SCFD2: variants seen among roughly 807,000 people sequenced by gnomAD.
The protein encoded by SCFD2 is sec1 family domain-containing protein 2.
In SCFD2, 54 loss-of-function variants were observed where a neutral mutation model predicts 58.9. The observed-to-expected ratio is 0.92, with a 90% confidence interval of 0.74 to 1.15. The LOEUF is 1.15. Among genes scored for constraint, SCFD2 ranks in the 50% most tolerant of loss-of-function variants. The probability of loss-of-function intolerance (pLI) is 0.00; values close to 1 mark genes in which losing one functional copy is unlikely to be tolerated. For synonymous variants in SCFD2, 321 were observed against 335.9 expected, an observed-to-expected ratio of 0.96 and a Z score of 0.49; for missense variants, 805 against 836.6, an observed-to-expected ratio of 0.96 and a Z score of 0.47.
chr4:53,240,848 G>A (rs1482594030), intron 4 of SCFD2, among the ~76,000 whole-genome samples: 1 of 152,214 alleles, frequency 6.6e-6, no homozygotes, highest in Admixed American at 6.5e-5. Context: ...AACAGTTTGA[G>A]ATGAAGAAAA....
chr4:52,951,394 T>C (rs1385856716), intron 5 of SCFD2, among the ~76,000 whole-genome samples: 1 of 152,150 alleles, frequency 6.6e-6, no homozygotes. Flanking sequence ...CATACTACAT[T>C]GTCTAAGAGC....
At chr4:52,888,430 G>C (rs1718798362) in intron 7 of SCFD2, among the ~76,000 whole-genome samples, 1 of 152,150 alleles carries the variant, frequency 6.6e-6, no homozygotes, top group Non-Finnish European at 1.5e-5. Context: ...CTGCACCTCT[G>C]TTTCCCCCGA....
At chr4:52,992,882 C>T (rs934523287) in intron 5 of SCFD2, among the ~76,000 whole-genome samples, 6 of 152,368 alleles carry the variant, frequency 3.9e-5, no homozygotes, top group African/African-American at 7.2e-5. Flanking sequence ...GCAGTCACCC[C>T]GTCTGGGAGG....
chr4:52,973,559 G>C (rs1263231562), intron 5 of SCFD2, among the ~76,000 whole-genome samples: 1 of 152,214 alleles, frequency 6.6e-6, no homozygotes, highest in East Asian at 1.9e-4. Context: ...TCCAGGACCA[G>C]AAGGATTCAC....
At chr4:53,290,377 T>G (rs1435652167) in intron 3 of SCFD2, among the ~76,000 whole-genome samples, 2 of 151,920 alleles carry the variant, frequency 1.3e-5, no homozygotes, top group East Asian at 3.9e-4. Context: ...TGAACAAACA[T>G]GGGTCAAGAA....
intron 4 of SCFD2, among the ~76,000 whole-genome samples, chr4:53,147,900 A>C (rs1726382426): frequency 6.6e-6 from 1 of 152,198 alleles, no homozygotes; most frequent in African/African-American, 2.4e-5. Flanking sequence ...GGTTGGGCAA[A>C]CTTGCTCTAG....
At chr4:53,292,855 ACT>A (rs1000342583) in intron 3 of SCFD2, among the ~76,000 whole-genome samples, 4 of 152,008 alleles carry the variant, frequency 2.6e-5, no homozygotes, top group Non-Finnish European at 4.4e-5. Context: ...AACATCATAC[ACT>A]GAGGCCTGTC....
At chr4:53,101,019 T>C (rs1724818341) in intron 5 of SCFD2, among the ~76,000 whole-genome samples, 1 of 152,128 alleles carries the variant, frequency 6.6e-6, no homozygotes, top group Non-Finnish European at 1.5e-5. Flanking sequence ...CAACTTCAAA[T>C]GCGTCGATGG....
At position 52,938,875 on chromosome 4, in the gene SCFD2, T is replaced by A. The variant is rs192240391; in HGVS notation, c.1562-18005A>T. On this transcript the variant is annotated intron_variant, in intron 5 of 8. Coordinates refer to ENST00000401642, the MANE Select transcript of SCFD2 (RefSeq NM_152540.4). ...GCAATATACCAGTTCTCCTCTTCCG[T>A]GTGTGGTAGGATTTTACTCTTCTCT... Among the ~76,000 whole-genome samples, 254 of 152,276 alleles carry A rather than the reference T, an allele frequency of 1.7e-3. 1 individual carries two copies. Among genetic ancestry groups the A allele is most frequent in the African/African-American group, 5.7e-3 (235 of 41,558 alleles).
At chr4:53,306,019 G>T (rs1732502374) in intron 3 of SCFD2, among the ~76,000 whole-genome samples, 2 of 152,156 alleles carry the variant, frequency 1.3e-5, no homozygotes, top group African/African-American at 4.8e-5. Context: ...TAGGTGCAAA[G>T]AATACTAAGA....
intron 8 of SCFD2, among the ~76,000 whole-genome samples, chr4:52,880,765 T>C (rs1283958841): frequency 6.6e-6 from 1 of 152,254 alleles, no homozygotes; most frequent in Non-Finnish European, 1.5e-5. Flanking sequence ...CTTCCCCTTT[T>C]TCCTGAGCTG....
At chr4:53,147,109 T>C (rs1370172494) in intron 4 of SCFD2, among the ~76,000 whole-genome samples, 1 of 152,218 alleles carries the variant, frequency 6.6e-6, no homozygotes, top group Non-Finnish European at 1.5e-5. Flanking sequence ...GCTATGATTG[T>C]GCCAGTGCAC....
Position 53,269,267 on chromosome 4 carries a change from C to T in SCFD2, c.1311+4559G>A, listed in dbSNP as rs1731087198. On this transcript the variant is annotated intron_variant, in intron 4 of 8. Coordinates refer to ENST00000401642, the MANE Select transcript of SCFD2 (RefSeq NM_152540.4). ...TTGAGCCCGGGATGTCGAGGCTACA[C>T]TAAGTGGTGATCATGCCACTGCACT... is the stretch of plus-strand genomic sequence containing the variant. Among the ~76,000 whole-genome samples the T allele has an allele frequency of 3.9e-5, 6 of 152,118 alleles. No homozygotes were observed. The South Asian group carries it at 1.2e-3, about 32-fold the overall frequency.
At chr4:53,196,736 T>A (rs1728069749) in intron 4 of SCFD2, among the ~76,000 whole-genome samples, 1 of 150,956 alleles carries the variant, frequency 6.6e-6, no homozygotes, top group East Asian at 1.9e-4. Flanking sequence ...TAAAGCAATA[T>A]CCATAAAAAG....
chr4:53,100,075 T>C (rs1724789002), intron 5 of SCFD2, among the ~76,000 whole-genome samples: 1 of 152,148 alleles, frequency 6.6e-6, no homozygotes, highest in Non-Finnish European at 1.5e-5. Context: ...AGGAAACTGA[T>C]GAAGAAAACA....
chr4:53,328,738 G>A lies in SCFD2; in HGVS notation c.1008-14975C>T, dbSNP rs553073730. Among the ~76,000 whole-genome samples, 7 of 152,320 alleles carry A rather than the reference G, an allele frequency of 4.6e-5. 1 individual carries two copies. The highest frequency in any genetic ancestry group is 3.9e-4 in the East Asian group (2 of 5,186). On this transcript the variant is annotated intron_variant, in intron 2 of 8. Coordinates refer to ENST00000401642, the MANE Select transcript of SCFD2 (RefSeq NM_152540.4). The stretch of plus-strand genomic sequence containing the variant: ...AATTCAGTCAAGAAATATTGGGGGA[G>A]GAGCCAAGATGGCCGAATAGGAACA...
intron 5 of SCFD2, among the ~76,000 whole-genome samples, chr4:53,102,714 C>T (rs1181962527): frequency 1.3e-5 from 2 of 152,038 alleles, no homozygotes; most frequent in South Asian, 2.1e-4. Flanking sequence ...AAAACAAAAG[C>T]TTGTTGGTGA....
chr4:53,180,624 T>G (rs1308201222), intron 4 of SCFD2, among the ~76,000 whole-genome samples: 1 of 152,120 alleles, frequency 6.6e-6, no homozygotes, highest in Non-Finnish European at 1.5e-5. Flanking sequence ...ATTCAAAAGT[T>G]AGAAGAAGGC....
intron 5 of SCFD2, among the ~76,000 whole-genome samples, chr4:52,928,519 T>A (rs1325469725): frequency 6.6e-6 from 1 of 151,852 alleles, no homozygotes; most frequent in African/African-American, 2.4e-5. Context: ...ACTATCTAGG[T>A]GAGGTCACAA....
Sources: gnomAD v4.1 joint callset for allele counts (sites outside exome capture counted in the v4.1 genomes callset) on GRCh38, gnomAD v4.1.1 for gene constraint, MANE v1.5 for transcripts, NCBI Gene and HGNC (gene_info 2026-07-23, HGNC 2026-07-21) for gene names.